UHRF2: variants seen among roughly 807,000 people sequenced by gnomAD.
UHRF2 encodes the protein ubiquitin like with PHD and ring finger domains 2.
In UHRF2, 23 loss-of-function variants were observed where a neutral mutation model predicts 96.8. The ratio of observed to expected loss-of-function variants is 0.24; its 90% CI spans 0.17 to 0.34. UHRF2 has a LOEUF of 0.34. Ranked by LOEUF, UHRF2 falls within the 10% of genes least tolerant of loss-of-function variation. The probability of loss-of-function intolerance (pLI) is 1.00; values close to 1 mark genes in which losing one functional copy is unlikely to be tolerated. For synonymous variants in UHRF2, 385 were observed against 332.6 expected (o/e 1.16, Z -1.72); for missense variants, 685 against 981.5 (o/e 0.70, Z 4.04).
At chr9:6,438,974 A>G (rs1481903287) in intron 3 of UHRF2, among the ~76,000 whole-genome samples, 1 of 152,218 alleles carries the variant, frequency 6.6e-6, no homozygotes, top group African/African-American at 2.4e-5. Context: ...AAAAAATTTA[A>G]GATATAGTAG....
chr9:6,499,970 C>T (rs1563810023), intron 13 of UHRF2, 39 bp downstream of exon 13: 1 of 1,461,474 alleles, frequency 6.8e-7, no homozygotes, highest in Non-Finnish European at 9.4e-7. Context: ...TAATAACATA[C>T]TTTTGTTGTT....
chr9:6,443,573 ATC>A (rs35519486), intron 3 of UHRF2, among the ~76,000 whole-genome samples: 2,705 of 152,312 alleles, frequency 0.018, 78 homozygotes, highest in African/African-American at 0.061. Flanking sequence ...ATTTCTGTTT[ATC>A]TCTCTAGTCA....
intron 3 of UHRF2, among the ~76,000 whole-genome samples, chr9:6,453,903 TC>T (rs1277976821): frequency 1.3e-5 from 2 of 152,016 alleles, no homozygotes; most frequent in East Asian, 3.9e-4. Flanking sequence ...AGACTCCGTC[TC>T]AAAAAAAGAA....
At chr9:6,460,882 A>T in intron 4 of UHRF2, 91 bp downstream of exon 4, 1 of 1,015,158 alleles carries the variant, frequency 9.9e-7, no homozygotes, top group Non-Finnish European at 1.4e-6. Flanking sequence ...TAGTAAAAAA[A>T]GATGGAGTCT....
At chr9:6,476,257 C>A (rs191349165) in intron 5 of UHRF2, among the ~76,000 whole-genome samples, 187 of 152,100 alleles carry the variant, frequency 1.2e-3, no homozygotes, top group Non-Finnish European at 1.9e-3. Flanking sequence ...TATGTATATA[C>A]CATATTGTCT....
In UHRF2 at chr9:6,413,275, T is replaced by C; in HGVS notation, c.-216T>C. 1 of 223,046 alleles carries C rather than the reference T, an allele frequency of 4.5e-6. No homozygotes were observed. Among genetic ancestry groups the C allele is most frequent in the Non-Finnish European group, 8.5e-6 (1 of 118,136 alleles). The allele number at this position is 223,046 out of a possible 1,614,324, so 13.8% of individuals were successfully genotyped here. A position where few individuals can be genotyped will look rare whatever the true frequency, so the allele number is the denominator to read the frequency against. ...CGGTGTCTGCGGCAGCGCCTCAGAG[T>C]GGTTCCGGTCGTCTCTCCTCAAGTC... On this transcript the variant is annotated 5_prime_UTR_variant, in exon 1 of 16. Transcript: ENST00000276893.
At chr9:6,493,510 TATA>T (rs924365086) in intron 9 of UHRF2, among the ~76,000 whole-genome samples, 1 of 152,146 alleles carries the variant, frequency 6.6e-6, no homozygotes, top group African/African-American at 2.4e-5. Flanking sequence ...TTGAATAAAA[TATA>T]ATATTTAAAT....
At chr9:6,446,691 G>C (rs57198563) in intron 3 of UHRF2, among the ~76,000 whole-genome samples, 1 of 151,554 alleles carries the variant, frequency 6.6e-6, no homozygotes, top group Admixed American at 6.6e-5. Flanking sequence ...GTCTCTATAG[G>C]AAAATTTGCT....
chr9:6,458,933 T>C (rs985453691), intron 3 of UHRF2, among the ~76,000 whole-genome samples: 3 of 152,176 alleles, frequency 2.0e-5, no homozygotes, highest in Admixed American at 6.5e-5. Flanking sequence ...TAGATCAAGC[T>C]GGAAACCATC....
At chr9:6,456,515 G>A (rs1320849350) in intron 3 of UHRF2, among the ~76,000 whole-genome samples, 1 of 152,148 alleles carries the variant, frequency 6.6e-6, no homozygotes, top group African/African-American at 2.4e-5. Context: ...TTCTTTTGCT[G>A]TGCAGCAGCT....
intron 3 of UHRF2, among the ~76,000 whole-genome samples, chr9:6,457,058 G>T (rs1240104014): frequency 1.3e-5 from 2 of 152,184 alleles, no homozygotes; most frequent in East Asian, 3.8e-4. Context: ...GTCATTGTCA[G>T]TTTGATGGGG....
intron 3 of UHRF2, among the ~76,000 whole-genome samples, 196 bp from the exon 4 acceptor site, chr9:6,460,377 A>G (rs1822462183): frequency 6.6e-6 from 1 of 152,190 alleles, no homozygotes; most frequent in African/African-American, 2.4e-5. Context: ...ATGCTGATAT[A>G]GAAACTACCC....
intron 4 of UHRF2, among the ~76,000 whole-genome samples, chr9:6,461,255 A>G (rs769668264): frequency 6.6e-6 from 1 of 152,108 alleles, no homozygotes; most frequent in Non-Finnish European, 1.5e-5. Flanking sequence ...AGAATTCAGA[A>G]TGCAAAATGT....
At position 6,413,773 on chromosome 9, in the gene UHRF2, C is replaced by G. The variant is rs552439611; in HGVS notation, c.153+130C>G. The G allele has an allele frequency of 5.0e-6, 6 of 1,194,720 alleles. No individual in the cohort carries two copies. The African/African-American group carries it at 6.4e-5, about 13-fold the overall frequency. The allele number at this position is 1,194,720 out of a possible 1,614,324, so 74.0% of individuals were successfully genotyped here. A position where few individuals can be genotyped will look rare whatever the true frequency, so the allele number is the denominator to read the frequency against. Reference sequence around the variant, plus strand: ...ACCTGGCTCCGCTGCGGGTGGGCAGCCCCCGCGAGGCGCGGGGTGCGGGGC... The same window carrying G: ...ACCTGGCTCCGCTGCGGGTGGGCAGGCCCCGCGAGGCGCGGGGTGCGGGGC... On this transcript the variant is annotated intron_variant, in intron 1 of 15. Coordinates refer to ENST00000276893, the MANE Select transcript of UHRF2 (RefSeq NM_152896.3).
At chr9:6,504,014 AC>A (rs1816445309) in intron 14 of UHRF2, among the ~76,000 whole-genome samples, 1 of 113,856 alleles carries the variant, frequency 8.8e-6, no homozygotes, top group Non-Finnish European at 1.7e-5. Flanking sequence ...TAAATAGAAG[AC>A]TTTTTTTTTT....
intron 3 of UHRF2, among the ~76,000 whole-genome samples, chr9:6,453,943 T>C (rs1199915117): frequency 6.6e-6 from 1 of 151,898 alleles, no homozygotes; most frequent in Non-Finnish European, 1.5e-5. Flanking sequence ...TGGAGAAGAG[T>C]AGAACTATAG....
intron 1 of UHRF2, chr9:6,415,216 G>A (rs944484572): frequency 3.9e-5 from 6 of 152,150 alleles, no homozygotes; most frequent in African/African-American, 1.4e-4. Context: ...TAAATTCAAG[G>A]CAACAAAGTA....
chr9:6,420,862 G>A, intron 1 of UHRF2, 50 bp from the exon 2 acceptor site: 2 of 1,440,998 alleles, frequency 1.4e-6, no homozygotes, highest in East Asian at 4.5e-5. Flanking sequence ...TAAAAATGTA[G>A]TAAGATACAT....
At chr9:6,450,138 T>C (rs561229109) in intron 3 of UHRF2, among the ~76,000 whole-genome samples, 209 of 152,278 alleles carry the variant, frequency 1.4e-3, no homozygotes, top group African/African-American at 4.8e-3. Context: ...ACAACAAATG[T>C]CACATAAAAT....
Sources: gnomAD v4.1 joint callset for allele counts (sites outside exome capture counted in the v4.1 genomes callset) on GRCh38, gnomAD v4.1.1 for gene constraint, MANE v1.5 for transcripts, NCBI Gene and HGNC (gene_info 2026-07-23, HGNC 2026-07-21) for gene names.